The following ZYG11B variants were observed in gnomAD, a reference collection of about 807,000 sequenced individuals.
ZYG11B encodes the protein protein zyg-11 homolog B.
A neutral mutation model predicts 82.4 loss-of-function variants in ZYG11B; 36 were observed. That is an observed-to-expected ratio of 0.44 (90% CI 0.33 to 0.58). The LOEUF (loss-of-function observed/expected upper bound fraction) is 0.58, where lower values mean the gene tolerates loss of function less well. Ranked by LOEUF, ZYG11B falls within the 20% of genes least tolerant of loss-of-function variation. The pLI is 0.02. For missense variants in ZYG11B, 552 were observed against 895.6 expected (o/e 0.62, Z 4.90); for synonymous variants, 303 against 312.8 (o/e 0.97, Z 0.33).
chr1:52,815,055 G>A (rs1454661302), intron 12 of ZYG11B, among the ~76,000 whole-genome samples: 1 of 152,180 alleles, frequency 6.6e-6, no homozygotes, highest in African/African-American at 2.4e-5. Flanking sequence ...CTACTTGGGA[G>A]GCTGAGGCAT....
chr1:52,747,119 G>T (rs570303786), intron 1 of ZYG11B, among the ~76,000 whole-genome samples: 1 of 151,996 alleles, frequency 6.6e-6, no homozygotes, highest in African/African-American at 2.4e-5. Context: ...AGGGGTAAAT[G>T]ATACAATGTG....
chr1:52,818,971 T>C (rs529773037), intron 13 of ZYG11B, among the ~76,000 whole-genome samples: 7 of 152,150 alleles, frequency 4.6e-5, no homozygotes, highest in African/African-American at 9.6e-5. Context: ...TTTTTGTATT[T>C]TTAGTAGAGG....
intron 1 of ZYG11B, 52 bp downstream of exon 1, chr1:52,726,735 G>T: frequency 7.0e-7 from 1 of 1,421,716 alleles, no homozygotes; most frequent in Non-Finnish European, 9.2e-7. Flanking sequence ...CCTAGCCCCC[G>T]CCCGTCGCGC....
At chr1:52,816,175 A>G (rs538290347) in intron 12 of ZYG11B, among the ~76,000 whole-genome samples, 1 of 152,254 alleles carries the variant, frequency 6.6e-6, no homozygotes, top group African/African-American at 2.4e-5. Flanking sequence ...ATAATTATAC[A>G]TCTTTTTCAT....
At chr1:52,776,629 G>C (rs12074258) in intron 3 of ZYG11B, among the ~76,000 whole-genome samples, 1 of 151,680 alleles carries the variant, frequency 6.6e-6, no homozygotes, top group South Asian at 2.1e-4. Context: ...GATATATTTC[G>C]TATAAGAGAT....
Position 52,821,555 on chromosome 1 carries a change from A to G in ZYG11B, c.2161A>G (p.Ser721Gly), listed in dbSNP as rs745883446. 7 of 1,614,192 alleles carry G rather than the reference A, an allele frequency of 4.3e-6. No individual in the cohort carries two copies. The East Asian group carries it at 1.3e-4, about 31-fold the overall frequency. ...ACAGATTGCTGTGGCCATTCTGGATAGCTTAGAAAAACACATTGTGCGCCA... is the reference window on the plus strand; with the variant it reads ...ACAGATTGCTGTGGCCATTCTGGATGGCTTAGAAAAACACATTGTGCGCCA... ...VQQIAVAILD[S>G]LEKHIVRHGR... Residue 721 changes from serine to glycine, a missense_variant, in exon 14 of 14, where the codon AGC (serine) becomes GGC (glycine). Around this residue, in one of 3 missense-constraint regions of ZYG11B, gnomAD observed 127 missense variants for 163.4 expected, o/e 0.78. Transcript: ENST00000294353.
At chr1:52,819,070 C>T (rs1182668443) in intron 13 of ZYG11B, among the ~76,000 whole-genome samples, 2 of 152,152 alleles carry the variant, frequency 1.3e-5, no homozygotes, top group Non-Finnish European at 2.9e-5. Context: ...AGCCACCGCA[C>T]CCAGCTCCTT....
chr1:52,730,358 G>A (rs1036398176), intron 1 of ZYG11B, among the ~76,000 whole-genome samples: 16 of 151,972 alleles, frequency 1.1e-4, no homozygotes, highest in African/African-American at 3.9e-4. Flanking sequence ...ATAGGGTCTG[G>A]CTCTGCCGCC....
At chr1:52,761,628 A>G (rs748756246) in intron 2 of ZYG11B, among the ~76,000 whole-genome samples, 8 of 152,192 alleles carry the variant, frequency 5.3e-5, no homozygotes, top group Non-Finnish European at 1.0e-4. Context: ...GCTATTGTGA[A>G]TAGTGCTGCA....
intron 4 of ZYG11B, among the ~76,000 whole-genome samples, chr1:52,783,805 T>TGTATAC (rs1553260775): frequency 7.4e-6 from 1 of 135,004 alleles, no homozygotes. Context: ...TATATATATA[T>TGTATAC]ACACACACAC....
rs1215747566 is a variant in ZYG11B, at chr1:52,730,082, A to G, written c.30+3399A>G. Among the ~76,000 whole-genome samples, 5 of 152,080 alleles carry G rather than the reference A, an allele frequency of 3.3e-5. No homozygotes were observed. In the East Asian group the frequency reaches 9.7e-4, roughly 29 times the overall value. On this transcript the variant is annotated intron_variant, in intron 1 of 13. Coordinates refer to ENST00000294353, the MANE Select transcript of ZYG11B (RefSeq NM_024646.3). ...CTCAGCCTCCCAGAGTGCTGGAATTATAGACGTGAACTACTACAAAAGTTT... is the reference window on the plus strand; with the variant it reads ...CTCAGCCTCCCAGAGTGCTGGAATTGTAGACGTGAACTACTACAAAAGTTT...
intron 1 of ZYG11B, among the ~76,000 whole-genome samples, chr1:52,746,690 T>TTTTG (rs1644479589): frequency 4.6e-5 from 5 of 107,528 alleles, no homozygotes; most frequent in African/African-American, 1.8e-4. Flanking sequence ...GGCCACTGTT[T>TTTTG]TTTTTTTTTT....
chr1:52,819,241 T>A (rs2149968624), intron 13 of ZYG11B, among the ~76,000 whole-genome samples: 1 of 152,304 alleles, frequency 6.6e-6, no homozygotes, highest in South Asian at 2.1e-4. Flanking sequence ...TATCCGGTCC[T>A]TCCTACTACA....
chr1:52,799,217 G>A (rs1645053761), intron 8 of ZYG11B, among the ~76,000 whole-genome samples: 1 of 152,112 alleles, frequency 6.6e-6, no homozygotes, highest in South Asian at 2.1e-4. Context: ...GCCGGGCATG[G>A]TGGGTCACAT....
At chr1:52,737,793 ATG>A (rs1396189187) in intron 1 of ZYG11B, among the ~76,000 whole-genome samples, 5 of 152,252 alleles carry the variant, frequency 3.3e-5, no homozygotes, top group African/African-American at 1.2e-4. Context: ...GAGCAGTATG[ATG>A]TTTCATCAGT....
At chr1:52,809,111 C>T (rs978627817) in intron 10 of ZYG11B, among the ~76,000 whole-genome samples, 3 of 152,036 alleles carry the variant, frequency 2.0e-5, no homozygotes, top group Non-Finnish European at 4.4e-5. Context: ...TTTCCTGATA[C>T]TTGGCATGCT....
intron 3 of ZYG11B, among the ~76,000 whole-genome samples, chr1:52,776,229 A>T (rs423006): frequency 0.025 from 578 of 23,480 alleles, 75 homozygotes; most frequent in African/African-American, 0.036. Context: ...TAAAAAAAAA[A>T]ATATATATAT....
intron 1 of ZYG11B, 48 bp downstream of exon 1, chr1:52,726,731 C>G: frequency 7.0e-7 from 1 of 1,437,364 alleles, no homozygotes; most frequent in Non-Finnish European, 9.1e-7. Flanking sequence ...CCACCCTAGC[C>G]CCCGCCCGTC....
At chr1:52,766,283 G>C (rs1644689402) in intron 2 of ZYG11B, among the ~76,000 whole-genome samples, 1 of 151,818 alleles carries the variant, frequency 6.6e-6, no homozygotes, top group Non-Finnish European at 1.5e-5. Flanking sequence ...ACCATGCCCA[G>C]CTAATTTTTG....
Sources: gnomAD v4.1 joint callset for allele counts (sites outside exome capture counted in the v4.1 genomes callset) on GRCh38, gnomAD v4.1.1 for gene constraint, gnomAD v4.1.1 regional missense constraint, MANE v1.5 for transcripts, NCBI Gene and HGNC (gene_info 2026-07-23, HGNC 2026-07-21) for gene names.